Variants in UBXN11 observed in about 807,000 individuals in gnomAD.
UBXN11 encodes UBX domain protein 11, also known as UBX domain-containing protein 11.
In UBXN11, 47 loss-of-function variants were observed where a neutral mutation model predicts 62.8. The ratio of observed to expected loss-of-function variants is 0.75; its 90% CI spans 0.59 to 0.95. UBXN11 has a LOEUF of 0.95. UBXN11 is among the 40% of genes least tolerant of loss of function. The pLI is 0.00. For synonymous variants in UBXN11, 294 were observed against 267.0 expected, an observed-to-expected ratio of 1.10 and a Z score of -0.99; for missense variants, 638 against 661.7, an observed-to-expected ratio of 0.96 and a Z score of 0.39.
upstream of UBXN11, among the ~76,000 whole-genome samples, chr1:26,308,308 A>G (rs932184350): frequency 6.6e-6 from 1 of 152,086 alleles, no homozygotes; most frequent in Non-Finnish European, 1.5e-5. Context: ...AAAAAAACAG[A>G]TGAGAAAACA....
chr1:26,297,091 A>T (rs1309705273), intron 6 of UBXN11, 96 bp from the exon 7 acceptor site: 1 of 1,415,728 alleles, frequency 7.1e-7, no homozygotes, highest in Non-Finnish European at 9.7e-7. Flanking sequence ...TGTTCTGGGG[A>T]TCCCCCAAGA....
intron 1 of UBXN11, among the ~76,000 whole-genome samples, chr1:26,312,823 C>T (rs958704233): frequency 6.6e-6 from 1 of 150,714 alleles, no homozygotes. Context: ...ACTAAAAATA[C>T]AAAAAATTAG....
intron 7 of UBXN11, among the ~76,000 whole-genome samples, chr1:26,295,002 T>TG (rs1431892862): frequency 1.3e-5 from 2 of 152,062 alleles, no homozygotes; most frequent in East Asian, 3.9e-4. Context: ...CACCAACTCA[T>TG]GGGGGCCCAG....
chr1:26,309,268 G>T (rs1264019004), upstream of UBXN11, among the ~76,000 whole-genome samples: 1 of 114,730 alleles, frequency 8.7e-6, no homozygotes, highest in Non-Finnish European at 1.8e-5. Context: ...TTGAGACAGA[G>T]TCTCACTCTG....
intron 4 of UBXN11, among the ~76,000 whole-genome samples, chr1:26,299,950 G>A (rs569838556): frequency 2.0e-4 from 31 of 152,154 alleles, no homozygotes; most frequent in Admixed American, 5.9e-4. Context: ...AGCCATGATC[G>A]CACCACTGCA....
At chr1:26,303,923 C>T (rs1204604728) in intron 1 of UBXN11, among the ~76,000 whole-genome samples, 1 of 152,096 alleles carries the variant, frequency 6.6e-6, no homozygotes, top group East Asian at 1.9e-4. Context: ...TTTCCTCTTC[C>T]TTCTGGAAAA....
At chr1:26,299,220 A>G (rs113122601) in intron 4 of UBXN11, among the ~76,000 whole-genome samples, 1 of 152,190 alleles carries the variant, frequency 6.6e-6, no homozygotes, top group Non-Finnish European at 1.5e-5. Flanking sequence ...ATCACATTGA[A>G]AAGCTGAGGG....
At chr1:26,283,764 T>C (rs1035810509) in intron 12 of UBXN11, among the ~76,000 whole-genome samples, 8 of 151,992 alleles carry the variant, frequency 5.3e-5, no homozygotes, top group African/African-American at 1.9e-4. Context: ...GGTGGACACC[T>C]AGGAGGAGAA....
At chr1:26,317,189 C>T (rs562674814) in intron 1 of UBXN11, among the ~76,000 whole-genome samples, 30 of 151,476 alleles carry the variant, frequency 2.0e-4, no homozygotes, top group Admixed American at 9.9e-4. Flanking sequence ...TGCAGTAAGC[C>T]GAGATCATGC....
rs2124670409 is a variant in UBXN11 at position 26,302,802 on chromosome 1, T to G, written c.71+11A>C. 1.9e-6 allele frequency: 3 copies of G among 1,613,024 alleles called. No individual in the cohort carries two copies. The highest frequency in any genetic ancestry group is 2.2e-5 in the East Asian group (1 of 44,880). ...GCGGGGACAGAAAGACCCCTGAGGC[T>G]GGCTCCTTACCCAGGATTCATAGGC... On this transcript the variant is annotated intron_variant, in intron 2 of 14. Coordinates refer to ENST00000374222, the MANE Select transcript of UBXN11 (RefSeq NM_001389556.1).
At chr1:26,292,259 T>C (rs375344852) in intron 8 of UBXN11, among the ~76,000 whole-genome samples, 4 of 152,312 alleles carry the variant, frequency 2.6e-5, no homozygotes, top group East Asian at 3.9e-4. Context: ...GGCTCACAAC[T>C]GTAATCCCAG....
chr1:26,300,310 A>C lies in UBXN11; in HGVS notation c.199+616T>G, dbSNP rs114310281. On this transcript the variant is annotated intron_variant, in intron 4 of 14. Transcript: ENST00000374222. ...TGTTCCCATGCCCACTTCACAGAGGAGGCCTCAGAGACAGAGAGATGCGAA... is the reference window on the plus strand; with the variant it reads ...TGTTCCCATGCCCACTTCACAGAGGCGGCCTCAGAGACAGAGAGATGCGAA... Among the ~76,000 whole-genome samples the C allele has an allele frequency of 3.8e-3, 585 of 152,276 alleles. 3 individuals are homozygous for C. Among genetic ancestry groups the C allele is most frequent in the African/African-American group, 0.012 (513 of 41,558 alleles).
At chr1:26,311,797 AAG>A (rs2073747425) in intron 1 of UBXN11, among the ~76,000 whole-genome samples, 3 of 152,306 alleles carry the variant, frequency 2.0e-5, no homozygotes, top group Admixed American at 1.3e-4. Context: ...CATTTCCTGA[AAG>A]AGCCTTACAG....
At chr1:26,312,379 T>C (rs1017244174) in intron 1 of UBXN11, among the ~76,000 whole-genome samples, 4 of 152,068 alleles carry the variant, frequency 2.6e-5, no homozygotes, top group Non-Finnish European at 4.4e-5. Flanking sequence ...GCGTCCTGAG[T>C]AGCTGAGATT....
At chr1:26,301,100 T>C in intron 3 of UBXN11, 76 bp from the exon 4 acceptor site, 1 of 1,608,948 alleles carries the variant, frequency 6.2e-7, no homozygotes, top group South Asian at 1.1e-5. Flanking sequence ...CCCTCGCCAG[T>C]GTGACGCGGC....
chr1:26,306,834 G>A (rs989528180), upstream of UBXN11: 1 of 40,110 alleles, frequency 2.5e-5, no homozygotes, highest in African/African-American at 6.3e-5. Flanking sequence ...CGGGGTGGGG[G>A]GGGGGGGTGG....
chr1:26,300,726 G>C (rs952347849), intron 4 of UBXN11, among the ~76,000 whole-genome samples, 200 bp downstream of exon 4: 7 of 152,174 alleles, frequency 4.6e-5, no homozygotes, highest in Admixed American at 4.6e-4. Context: ...GGCTGGGGCT[G>C]GGCCTCGGCC....
chr1:26,314,022 G>A (rs947185951), intron 1 of UBXN11, among the ~76,000 whole-genome samples: 4 of 151,958 alleles, frequency 2.6e-5, no homozygotes, highest in Non-Finnish European at 4.4e-5. Flanking sequence ...CCTTGTGATC[G>A]ACTCGCCTCG....
Position 26,297,987 on chromosome 1 carries a change from G to A in UBXN11, c.275C>T (p.Ala92Val), listed in dbSNP as rs747811633. 3 of 1,613,992 alleles carry A rather than the reference G, an allele frequency of 1.9e-6. No homozygotes were observed. Among genetic ancestry groups the A allele is most frequent in the Non-Finnish European group, 2.5e-6 (3 of 1,179,972 alleles). ...KLWDLEQQVK[A>V]QTDEILSKDQ... ...CTTGGACAGTATCTCATCAGTCTGG[G>A]CCTTCACCTGCTGCTCCAGGTCCCA... The change falls in exon 5 of 15, where the codon GCC (alanine) becomes GTC (valine). Residue 92 changes from alanine (A) to valine (V), a missense_variant. Coordinates refer to ENST00000374222, the MANE Select transcript of UBXN11 (RefSeq NM_001389556.1).
Sources: allele counts gnomAD v4.1 joint callset (sites outside exome capture counted in the v4.1 genomes callset), GRCh38; gene constraint gnomAD v4.1.1; transcripts MANE v1.5; gene names NCBI Gene and HGNC (gene_info 2026-07-23, HGNC 2026-07-21).